Variants in TNKS2 observed in about 807,000 individuals in gnomAD.
TNKS2 encodes tankyrase 2, also known as poly [ADP-ribose] polymerase tankyrase-2.
Under a neutral mutation model 137.6 loss-of-function variants are expected in TNKS2, and 72 were observed. The observed-to-expected ratio is 0.52, with a 90% CI of 0.43 to 0.64. The LOEUF is 0.64. Among genes scored for constraint, TNKS2 ranks in the 30% least tolerant of loss-of-function variants. The pLI is 0.00. For missense variants in TNKS2, 1,049 were observed against 1,410.2 expected, an observed-to-expected ratio of 0.74 and a Z score of 4.10; for synonymous variants, 516 against 512.1, an observed-to-expected ratio of 1.01 and a Z score of -0.10.
Position 91,831,438 on chromosome 10 carries a change from G to C in TNKS2, c.1275+257G>C, listed in dbSNP as rs181330279. 8.5e-5 allele frequency among the ~76,000 whole-genome samples: 13 copies of C among 152,180 alleles called. No homozygotes were observed. The East Asian group carries it at 2.1e-3, about 25-fold the overall frequency. On this transcript the variant is annotated intron_variant, in intron 11 of 26. Transcript: ENST00000371627. The stretch of plus-strand genomic sequence containing the variant: ...TTTTAACCACAGCCCACAGGTTAAA[G>C]TTATTCTTAAGGACTTTTCTGACCT...
At chr10:91,828,801 G>GACTA (rs918177323) in intron 9 of TNKS2, among the ~76,000 whole-genome samples, 5 of 152,180 alleles carry the variant, frequency 3.3e-5, no homozygotes, top group Admixed American at 2.6e-4. Flanking sequence ...AACACTTGGT[G>GACTA]TAGTCCCTTC....
chr10:91,829,278 A>G (rs571532093), intron 9 of TNKS2, among the ~76,000 whole-genome samples: 42 of 76,686 alleles, frequency 5.5e-4, no homozygotes, highest in African/African-American at 2.7e-3. Context: ...AGAAACTTCT[A>G]AATTTAAAAA....
chr10:91,848,362 T>C, intron 18 of TNKS2, 21 bp from the exon 19 acceptor site: 2 of 1,601,666 alleles, frequency 1.2e-6, no homozygotes, highest in Non-Finnish European at 1.7e-6. Flanking sequence ...TGGCAGATGT[T>C]GTCTCTGACA....
At chr10:91,805,494 TCTC>T (rs1809848792) in intron 1 of TNKS2, among the ~76,000 whole-genome samples, 1 of 152,188 alleles carries the variant, frequency 6.6e-6, no homozygotes. Flanking sequence ...GCAACCCTCT[TCTC>T]TTTCCAGCCT....
chr10:91,864,922 A>T lies in TNKS2; in HGVS notation c.*1923A>T, dbSNP rs1177029106. On this transcript the variant is annotated 3_prime_UTR_variant, in exon 27 of 27. Transcript: ENST00000371627. ...TTTTCATGTGAAATCATTGTGGTCT[A>T]TGAGTTTACAATACTGCAAACTGTG... The T allele has an allele frequency of 6.6e-6, 1 of 152,602 alleles. No homozygotes were observed. Among genetic ancestry groups the T allele is most frequent in the Non-Finnish European group, 1.5e-5 (1 of 68,012 alleles). 9.5% of individuals were successfully genotyped at this position (152,602 alleles called of 1,614,324 possible).
In TNKS2 at chr10:91,863,899, C is replaced by T. The variant is rs967947350; in HGVS notation, c.*900C>T. The T allele has an allele frequency of 3.3e-5, 5 of 151,850 alleles. No individual in the cohort carries two copies. Among genetic ancestry groups the T allele is most frequent in the African/African-American group, 1.2e-4 (5 of 41,314 alleles). The allele number at this position is 151,850 out of a possible 1,614,324, so 9.4% of individuals were successfully genotyped here. A position where few individuals can be genotyped will look rare whatever the true frequency, so the allele number is the denominator to read the frequency against. On this transcript the variant is annotated 3_prime_UTR_variant, in exon 27 of 27. Transcript: ENST00000371627. Reference sequence around the variant, plus strand: ...CAATTATTGTGTTCTTTTCATGGAACATAAGTAGGATGTTACATTTCCAGG... The same window carrying T: ...CAATTATTGTGTTCTTTTCATGGAATATAAGTAGGATGTTACATTTCCAGG...
At chr10:91,858,702 A>G (rs1842776893) in intron 24 of TNKS2, among the ~76,000 whole-genome samples, 1 of 152,176 alleles carries the variant, frequency 6.6e-6, no homozygotes, top group Admixed American at 6.5e-5. Flanking sequence ...GAGGTATAAG[A>G]AAGAGAATAA....
Position 91,817,155 on chromosome 10 carries a change from A to G in TNKS2, c.446A>G (p.Glu149Gly). The change falls in exon 3 of 27, where the codon GAG becomes GGG. Residue 149 changes from glutamate (E) to glycine (G), a missense_variant. This residue lies in a region of TNKS2 where 374 missense variants were observed against 460.8 expected (regional missense o/e 0.81). Coordinates refer to ENST00000371627, the MANE Select transcript of TNKS2 (RefSeq NM_025235.4). ...VCIVLLQHGA[E>G]PTIRNTDGRT... ...GCAGTGCTGTTACAGCATGGAGCTG[A>G]GCCAACCATCCGAAATACAGATGGA... The G allele has an allele frequency of 1.2e-6, 2 of 1,613,748 alleles. No homozygotes were observed. Among genetic ancestry groups the G allele is most frequent in the South Asian group, 2.2e-5 (2 of 90,934 alleles).
intron 7 of TNKS2, among the ~76,000 whole-genome samples, chr10:91,826,082 G>T (rs1456349658): frequency 6.6e-6 from 1 of 152,188 alleles, no homozygotes; most frequent in Non-Finnish European, 1.5e-5. Context: ...GAGAATATTT[G>T]CATATATACT....
At chr10:91,829,842 A>G (rs1055141903) in intron 9 of TNKS2, among the ~76,000 whole-genome samples, 3 of 152,234 alleles carry the variant, frequency 2.0e-5, no homozygotes, top group Admixed American at 6.5e-5. Flanking sequence ...GTATAGAGCA[A>G]CTTAGCTGAA....
At position 91,863,109 on chromosome 10, in the gene TNKS2, G is replaced by T; in HGVS notation, c.*110G>T. ...AAAATCATCTTGCCCACAGGCCTGT[G>T]GCAAAAGGATAAAAATGTGAACGAA... On this transcript the variant is annotated 3_prime_UTR_variant, in exon 27 of 27. Coordinates refer to ENST00000371627, the MANE Select transcript of TNKS2 (RefSeq NM_025235.4). The T allele has an allele frequency of 1.5e-6, 1 of 681,286 alleles. No homozygotes were observed. The allele number at this position is 681,286 out of a possible 1,614,324, so 42.2% of individuals were successfully genotyped here.
At chr10:91,822,597 TC>T (rs895068736) in intron 7 of TNKS2, among the ~76,000 whole-genome samples, 2 of 151,820 alleles carry the variant, frequency 1.3e-5, no homozygotes, top group African/African-American at 2.4e-5. Flanking sequence ...AGACAAGGTC[TC>T]ACTCTTGCCC....
At chr10:91,809,798 G>A (rs181143818) in intron 1 of TNKS2, among the ~76,000 whole-genome samples, 22 of 152,038 alleles carry the variant, frequency 1.4e-4, no homozygotes, top group Middle Eastern at 6.8e-3. Flanking sequence ...TTGCCAAGGT[G>A]ATCTTTCTTT....
At chr10:91,822,196 C>T in intron 6 of TNKS2, 100 bp from the exon 7 acceptor site, 1 of 875,836 alleles carries the variant, frequency 1.1e-6, no homozygotes, top group Non-Finnish European at 1.7e-6. Flanking sequence ...AATCCATTTG[C>T]TATTTAAGTA....
chr10:91,799,611 A>G (rs999032839), intron 1 of TNKS2, among the ~76,000 whole-genome samples: 1 of 152,244 alleles, frequency 6.6e-6, no homozygotes, highest in African/African-American at 2.4e-5. Context: ...TCATTCTGAA[A>G]TTTAGATCGT....
At chr10:91,816,758 T>C (rs1337467052) in intron 2 of TNKS2, among the ~76,000 whole-genome samples, 1 of 152,072 alleles carries the variant, frequency 6.6e-6, no homozygotes, top group African/African-American at 2.4e-5. Flanking sequence ...ATTTTATTTC[T>C]GTCATGATGA....
intron 2 of TNKS2, among the ~76,000 whole-genome samples, chr10:91,815,366 A>G (rs1425529453): frequency 1.3e-5 from 2 of 152,186 alleles, no homozygotes; most frequent in Non-Finnish European, 2.9e-5. Context: ...CCTTTTCTGT[A>G]TGTTGTCTTA....
At chr10:91,849,400 T>C (rs1284773472) in intron 19 of TNKS2, 112 bp from the exon 20 acceptor site, 1 of 747,560 alleles carries the variant, frequency 1.3e-6, no homozygotes, top group African/African-American at 1.8e-5. Context: ...TAAGTGGCTA[T>C]TAATATTATT....
intron 6 of TNKS2, 114 bp downstream of exon 6, chr10:91,820,147 C>T: frequency 1.5e-6 from 1 of 652,728 alleles, no homozygotes; most frequent in South Asian, 3.7e-5. Flanking sequence ...ATATATTGAG[C>T]TTTTACAATG....
Sources: allele counts gnomAD v4.1 joint callset (sites outside exome capture counted in the v4.1 genomes callset), GRCh38; gene constraint gnomAD v4.1.1; regional missense constraint gnomAD v4.1.1; transcripts MANE v1.5; gene names NCBI Gene and HGNC (gene_info 2026-07-23, HGNC 2026-07-21).